ADGRL2: variants seen among roughly 807,000 people sequenced by gnomAD.
The protein encoded by ADGRL2 is adhesion G protein-coupled receptor L2.
Under a neutral mutation model 157.4 loss-of-function variants are expected in ADGRL2, and 44 were observed. The observed-to-expected ratio is 0.28, with a 90% CI of 0.22 to 0.36. ADGRL2 has a LOEUF of 0.36. ADGRL2 is among the 10% of genes least tolerant of loss of function. The pLI is 1.00. For missense variants in ADGRL2, 1,510 were observed against 1,768.9 expected (o/e 0.85, Z 2.63); for synonymous variants, 585 against 624.7 (o/e 0.94, Z 0.95).
chr1:81,450,673 C>T (rs181133442), intron 2 of ADGRL2, among the ~76,000 whole-genome samples: 2 of 152,022 alleles, frequency 1.3e-5, no homozygotes, highest in African/African-American at 4.8e-5. Flanking sequence ...ACATTAACAT[C>T]AACCAATACT....
At chr1:81,725,765 G>A (rs2084503543) in intron 1 of ADGRL2, among the ~76,000 whole-genome samples, 1 of 152,070 alleles carries the variant, frequency 6.6e-6, no homozygotes, top group African/African-American at 2.4e-5. Flanking sequence ...TGTGTACTGT[G>A]CTTTTAGATT....
chr1:81,484,803 C>A (rs965186962), intron 2 of ADGRL2, among the ~76,000 whole-genome samples: 1 of 152,054 alleles, frequency 6.6e-6, no homozygotes, highest in African/African-American at 2.4e-5. Context: ...ATCTAAATAT[C>A]ATTTATTTGT....
intron 1 of ADGRL2, among the ~76,000 whole-genome samples, chr1:81,831,229 C>G (rs765985634): frequency 3.9e-5 from 6 of 152,032 alleles, no homozygotes; most frequent in Non-Finnish European, 7.4e-5. Context: ...AACAACTTCT[C>G]TAGTAGTTTG....
chr1:81,696,459 T>TA (rs1450924242), upstream of ADGRL2, among the ~76,000 whole-genome samples: 1 of 152,038 alleles, frequency 6.6e-6, no homozygotes, highest in African/African-American at 2.4e-5. Context: ...GAGGCAAGAA[T>TA]AGAGAGGAGT....
intron 2 of ADGRL2, among the ~76,000 whole-genome samples, chr1:81,577,938 G>A (rs1391981727): frequency 6.6e-6 from 1 of 152,094 alleles, no homozygotes; most frequent in Non-Finnish European, 1.5e-5. Context: ...CATTAGGAAA[G>A]CATTTAAAGT....
At chr1:81,974,164 A>C (rs1033450707) in intron 17 of ADGRL2, among the ~76,000 whole-genome samples, 2 of 152,240 alleles carry the variant, frequency 1.3e-5, no homozygotes, top group Admixed American at 1.3e-4. Context: ...ATTCTAAATA[A>C]TAATCTATGA....
chr1:81,329,288 C>A (rs771289376), intron 1 of ADGRL2, among the ~76,000 whole-genome samples: 2 of 152,100 alleles, frequency 1.3e-5, no homozygotes, highest in Non-Finnish European at 2.9e-5. Flanking sequence ...ACCCCACCCC[C>A]AACCCCACCA....
intron 1 of ADGRL2, chr1:81,427,261 T>C (rs2077234826): frequency 1.3e-6 from 1 of 747,752 alleles, no homozygotes; most frequent in African/African-American, 1.7e-5. Context: ...GAAATAGTTA[T>C]GAAGGAGGTG....
chr1:81,552,657 C>A (rs113107127), intron 2 of ADGRL2, among the ~76,000 whole-genome samples: 299 of 139,964 alleles, frequency 2.1e-3, no homozygotes, highest in Non-Finnish European at 3.6e-3. Context: ...CCCCAAAAAA[C>A]CATGAGTTCT....
intron 2 of ADGRL2, among the ~76,000 whole-genome samples, chr1:81,849,513 C>A (rs543997113): frequency 6.6e-6 from 1 of 151,942 alleles, no homozygotes; most frequent in African/African-American, 2.4e-5. Context: ...CTAAAAGAAT[C>A]ATTTTACATA....
intron 17 of ADGRL2, among the ~76,000 whole-genome samples, chr1:81,973,935 G>GAA (rs148368282): frequency 0.011 from 1,527 of 137,546 alleles, 29 homozygotes; most frequent in African/African-American, 0.038. Context: ...TGTGTGTGGG[G>GAA]AAAAAATATA....
chr1:81,957,127 A>G (rs2149154784), intron 11 of ADGRL2, among the ~76,000 whole-genome samples: 1 of 151,968 alleles, frequency 6.6e-6, no homozygotes, highest in South Asian at 2.1e-4. Flanking sequence ...AAAATCAGTA[A>G]TTACCGAAGT....
chr1:81,970,035 A>G (rs1658261796), intron 15 of ADGRL2, among the ~76,000 whole-genome samples: 1 of 152,084 alleles, frequency 6.6e-6, no homozygotes. Context: ...TTCTTATTTG[A>G]TATTTAATTT....
chr1:81,617,215 C>T (rs1158348310), intron 3 of ADGRL2, among the ~76,000 whole-genome samples: 1 of 152,220 alleles, frequency 6.6e-6, no homozygotes, highest in Non-Finnish European at 1.5e-5. Context: ...ATTAGATTCT[C>T]ATAGGCGCAC....
chr1:81,977,549 C>A (rs181206781), intron 17 of ADGRL2, among the ~76,000 whole-genome samples: 2 of 151,732 alleles, frequency 1.3e-5, no homozygotes, highest in African/African-American at 4.8e-5. Flanking sequence ...CTTCTGAGTT[C>A]ACTTCTAAGA....
intron 3 of ADGRL2, among the ~76,000 whole-genome samples, chr1:81,680,449 T>C (rs1557560804): frequency 6.6e-6 from 1 of 152,180 alleles, no homozygotes; most frequent in Non-Finnish European, 1.5e-5. Context: ...AACCGGAATG[T>C]CGGCTTAGGG....
intron 2 of ADGRL2, among the ~76,000 whole-genome samples, chr1:81,766,371 T>C (rs562278638): frequency 2.6e-5 from 4 of 152,322 alleles, no homozygotes; most frequent in African/African-American, 9.6e-5. Context: ...AAATGATTTA[T>C]TGCCATTTTA....
chr1:81,403,635 T>C (rs2076801509), intron 1 of ADGRL2, among the ~76,000 whole-genome samples: 1 of 152,024 alleles, frequency 6.6e-6, no homozygotes, highest in South Asian at 2.1e-4. Context: ...ATCAAATAAT[T>C]CAATAAGTAG....
At chr1:81,503,178 C>A in intron 2 of ADGRL2, 1 of 1,614,192 alleles carries the variant, frequency 6.2e-7, no homozygotes, top group Non-Finnish European at 8.5e-7. Flanking sequence ...CACGGCAGCT[C>A]CCCATGAAGA....
Sources: allele counts gnomAD v4.1 joint callset (sites outside exome capture counted in the v4.1 genomes callset), GRCh38; gene constraint gnomAD v4.1.1; transcripts MANE v1.5; gene names NCBI Gene and HGNC (gene_info 2026-07-23, HGNC 2026-07-21).